The following FAF1 variants were observed in gnomAD, a reference collection of about 807,000 sequenced individuals.
FAF1 encodes FAS-associated factor 1.
A neutral mutation model predicts 92.5 loss-of-function variants in FAF1; 25 were observed. That is an observed-to-expected ratio of 0.27 (90% confidence interval 0.20 to 0.38). The LOEUF is 0.38. Ranked by LOEUF, FAF1 falls within the 10% of genes least tolerant of loss-of-function variation. FAF1 has a pLI of 1.00. For missense variants in FAF1, 636 were observed against 793.3 expected, an observed-to-expected ratio of 0.80 and a Z score of 2.38; for synonymous variants, 234 against 273.2, an observed-to-expected ratio of 0.86 and a Z score of 1.42.
chr1:50,811,435 C>T (rs897235824), intron 2 of FAF1, among the ~76,000 whole-genome samples: 10 of 152,060 alleles, frequency 6.6e-5, no homozygotes, highest in African/African-American at 2.4e-4. Context: ...AGAGTCAATA[C>T]AAGAATGCAA....
intron 18 of FAF1, among the ~76,000 whole-genome samples, chr1:50,475,048 T>C (rs1446417043): frequency 2.0e-5 from 3 of 152,226 alleles, no homozygotes; most frequent in Admixed American, 6.5e-5. Context: ...CACAAAACAC[T>C]GTTTGTTTTG....
At chr1:50,796,682 C>T (rs1431316957) in intron 3 of FAF1, among the ~76,000 whole-genome samples, 2 of 152,102 alleles carry the variant, frequency 1.3e-5, no homozygotes, top group Non-Finnish European at 2.9e-5. Context: ...CTCCTTTCCT[C>T]GTCAAGCAGA....
chr1:50,921,123 A>G (rs1644959307), intron 1 of FAF1, among the ~76,000 whole-genome samples: 1 of 152,244 alleles, frequency 6.6e-6, no homozygotes, highest in Admixed American at 6.5e-5. Flanking sequence ...AAAATCAAAC[A>G]TACAATTACC....
At chr1:50,562,889 C>G (rs890142504) in intron 13 of FAF1, among the ~76,000 whole-genome samples, 1 of 152,208 alleles carries the variant, frequency 6.6e-6, no homozygotes, top group Non-Finnish European at 1.5e-5. Flanking sequence ...GTTGATTCAA[C>G]TAGCCAAGTA....
chr1:50,651,294 G>C (rs924162920), intron 8 of FAF1, among the ~76,000 whole-genome samples: 8 of 152,044 alleles, frequency 5.3e-5, no homozygotes, highest in Non-Finnish European at 1.0e-4. Flanking sequence ...TAAAAAAATA[G>C]CTTCACTGAG....
intron 18 of FAF1, among the ~76,000 whole-genome samples, chr1:50,452,702 C>G (rs1000989133): frequency 6.6e-6 from 1 of 152,142 alleles, no homozygotes; most frequent in African/African-American, 2.4e-5. Flanking sequence ...AGCTTAAAAG[C>G]CTTCTGAGAG....
chr1:50,490,601 T>G lies in FAF1; in HGVS notation c.1640A>C (p.Glu547Ala). ...ATTATGCCCCACCTCACGTTCCTCT[T>G]CTTGTTCTTTGCGAATCTGCTCCAA... The part of the protein sequence containing the change: ...FRLEQIRKEQ[E>A]EEREAIRLSL... Residue 547 changes from glutamate to alanine, a missense_variant, in exon 17 of 19, where the codon GAA becomes GCA. Physicochemically the swap from Glu to Ala is moderately radical, Grantham distance 107. Around this residue, in one of 2 missense-constraint regions of FAF1, gnomAD observed 319 missense variants for 451.0 expected, o/e 0.71. Coordinates refer to ENST00000396153, the MANE Select transcript of FAF1 (RefSeq NM_007051.3). The G allele has an allele frequency of 1.2e-6, 2 of 1,611,236 alleles. No individual in the cohort carries two copies. The highest frequency in any genetic ancestry group is 1.7e-6 in the Non-Finnish European group (2 of 1,177,372).
intron 8 of FAF1, among the ~76,000 whole-genome samples, chr1:50,609,560 A>C (rs1420395213): frequency 6.6e-6 from 1 of 151,984 alleles, no homozygotes; most frequent in Non-Finnish European, 1.5e-5. Flanking sequence ...AACTTTTTTT[A>C]AATTTTTAGT....
chr1:50,717,897 C>T (rs1416914057), intron 6 of FAF1, among the ~76,000 whole-genome samples: 1 of 152,086 alleles, frequency 6.6e-6, no homozygotes, highest in Non-Finnish European at 1.5e-5. Context: ...TCCATAAAAA[C>T]ATTAACCATA....
chr1:50,826,253 A>T (rs927180625), intron 2 of FAF1, among the ~76,000 whole-genome samples: 2 of 152,190 alleles, frequency 1.3e-5, no homozygotes, highest in Non-Finnish European at 2.9e-5. Context: ...AGAATCCAGT[A>T]AAAACTGGAT....
At chr1:50,598,481 A>G (rs1651937337) in intron 8 of FAF1, among the ~76,000 whole-genome samples, 2 of 151,842 alleles carry the variant, frequency 1.3e-5, no homozygotes, top group Admixed American at 6.6e-5. Context: ...AAAAAAAAAA[A>G]AAAAGGCTAA....
chr1:50,755,814 G>C (rs1660052607), intron 4 of FAF1, among the ~76,000 whole-genome samples: 1 of 152,166 alleles, frequency 6.6e-6, no homozygotes, highest in Non-Finnish European at 1.5e-5. Flanking sequence ...CCAAGGCTTG[G>C]AGCTTGTACC....
intron 6 of FAF1, among the ~76,000 whole-genome samples, chr1:50,728,803 A>AG (rs1658773724): frequency 6.6e-6 from 1 of 150,752 alleles, no homozygotes; most frequent in Non-Finnish European, 1.5e-5. Context: ...AAAAAAAAAA[A>AG]AGAAAAGAAA....
At chr1:50,756,669 A>C (rs189146724) in intron 4 of FAF1, among the ~76,000 whole-genome samples, 1 of 152,328 alleles carries the variant, frequency 6.6e-6, no homozygotes, top group East Asian at 1.9e-4. Flanking sequence ...ATACAGAAGA[A>C]AGGGTTTAAC....
intron 14 of FAF1, among the ~76,000 whole-genome samples, chr1:50,537,739 G>A (rs145670724): frequency 2.1e-3 from 308 of 148,220 alleles, no homozygotes; most frequent in Non-Finnish European, 3.1e-3. Flanking sequence ...GAAAACAACC[G>A]TATTCTGTAT....
At chr1:50,584,890 C>T (rs1042687972) in intron 9 of FAF1, 79 bp from the exon 10 acceptor site, 3 of 1,299,520 alleles carry the variant, frequency 2.3e-6, no homozygotes, top group Non-Finnish European at 3.3e-6. Flanking sequence ...ATAATAACAA[C>T]AGGACATAAG....
At chr1:50,838,855 T>A (rs1185336559) in intron 2 of FAF1, among the ~76,000 whole-genome samples, 1 of 152,118 alleles carries the variant, frequency 6.6e-6, no homozygotes, top group Non-Finnish European at 1.5e-5. Context: ...CAGATTCAAA[T>A]TCAACTCTGG....
At chr1:50,513,472 C>G (rs751339883) in intron 15 of FAF1, among the ~76,000 whole-genome samples, 1 of 151,964 alleles carries the variant, frequency 6.6e-6, no homozygotes, top group Admixed American at 6.6e-5. Flanking sequence ...TCTGGGTGAC[C>G]AGAGTGAGAC....
At chr1:50,917,307 T>C (rs1201003824) in intron 1 of FAF1, among the ~76,000 whole-genome samples, 2 of 152,118 alleles carry the variant, frequency 1.3e-5, no homozygotes, top group African/African-American at 4.8e-5. Flanking sequence ...AACAAGATGG[T>C]ATAAGATCCT....
Sources: gnomAD v4.1 joint callset for allele counts (sites outside exome capture counted in the v4.1 genomes callset) on GRCh38, gnomAD v4.1.1 for gene constraint, gnomAD v4.1.1 regional missense constraint, MANE v1.5 for transcripts, NCBI Gene and HGNC (gene_info 2026-07-23, HGNC 2026-07-21) for gene names.